CEP126: variants seen among roughly 807,000 people sequenced by gnomAD.
The protein encoded by CEP126 is centrosomal protein of 126 kDa.
In CEP126, 74 loss-of-function variants were observed where a neutral mutation model predicts 107.8. The observed-to-expected ratio is 0.69, with a 90% CI of 0.57 to 0.83. The LOEUF (loss-of-function observed/expected upper bound fraction) is 0.83, where lower values mean the gene tolerates loss of function less well. Ranked by LOEUF, CEP126 falls within the 40% of genes least tolerant of loss-of-function variation. The pLI, the probability that CEP126 is intolerant of heterozygous loss-of-function variation, is 0.00. For missense variants in CEP126, 1,237 were observed against 1,281.9 expected (o/e 0.96, Z 0.53); for synonymous variants, 449 against 446.0 (o/e 1.01, Z -0.08).
intron 1 of CEP126, 45 bp downstream of exon 1, chr11:101,915,457 C>CGG: frequency 6.4e-7 from 1 of 1,571,878 alleles, no homozygotes; most frequent in Non-Finnish European, 8.7e-7. Flanking sequence ...ATGTTGAAAA[C>CGG]GGGGCCCATC....
At position 101,962,381 on chromosome 11, in the gene CEP126, C is replaced by G; in HGVS notation, c.1346C>G (p.Thr449Ser). The change falls in exon 6 of 11, where the codon ACT becomes AGT. Residue 449 changes from threonine to serine, a missense_variant. Physicochemically the swap from Thr to Ser is moderately conservative, Grantham distance 58. Around this residue, in one of 3 missense-constraint regions of CEP126, gnomAD observed 1,134 missense variants for 1,150.5 expected, o/e 0.99. Transcript: ENST00000263468. Reference protein sequence around the residue: ...KYSELNQENGTTSIPTSCVPV... With the variant: ...KYSELNQENGSTSIPTSCVPV... ...TCTGAATTAAATCAAGAAAATGGAA[C>G]TACTTCAATTCCTACTTCATGTGTA... 6.2e-7 allele frequency: 1 copy of G among 1,613,844 alleles called. No homozygotes were observed. The highest frequency in any genetic ancestry group is 8.5e-7 in the Non-Finnish European group (1 of 1,179,874).
Position 101,965,741 on chromosome 11 carries a change from G to T in CEP126, c.2845+1861G>T, listed in dbSNP as rs914442969. Among the ~76,000 whole-genome samples the T allele has an allele frequency of 4.6e-5, 7 of 152,090 alleles. No individual in the cohort carries two copies. In the East Asian group the frequency reaches 1.3e-3, roughly 29 times the overall value. ...ATACTTACTGTCTCATTTAAACCTT[G>T]TAATAATGCTGAGAAATAAATATTT... On this transcript the variant is annotated intron_variant, in intron 6 of 10. Transcript: ENST00000263468.
At chr11:101,974,208 A>G (rs987695048) in intron 6 of CEP126, among the ~76,000 whole-genome samples, 1 of 152,192 alleles carries the variant, frequency 6.6e-6, no homozygotes, top group Non-Finnish European at 1.5e-5. Context: ...ATTTTGGACA[A>G]TAATTTTAGG....
At chr11:101,964,295 C>CTT (rs1419293315) in intron 6 of CEP126, among the ~76,000 whole-genome samples, 1 of 147,908 alleles carries the variant, frequency 6.8e-6, no homozygotes, top group Non-Finnish European at 1.5e-5. Flanking sequence ...GAGCAAGACT[C>CTT]TGTCTGAAAA....
chr11:101,962,427 T>G lies in CEP126; in HGVS notation c.1392T>G (p.Val464=). The part of the protein sequence containing the change: ...TSCVPVATPL[V]LPSNIQSARP... ...GTGTACCAGTGGCAACGCCTTTAGT[T>G]TTGCCATCTAATATACAGTCAGCTA... Residue 464 remains valine (V), a synonymous_variant, in exon 6 of 11, where the codon GTT becomes GTG. Transcript: ENST00000263468. 6.2e-7 allele frequency: 1 copy of G among 1,613,828 alleles called. No individual in the cohort carries two copies. Among genetic ancestry groups the G allele is most frequent in the South Asian group, 1.1e-5 (1 of 91,068 alleles).
At chr11:101,961,593 A>G in intron 5 of CEP126, 148 bp from the exon 6 acceptor site, 1 of 482,466 alleles carries the variant, frequency 2.1e-6, no homozygotes, top group South Asian at 5.1e-5. Flanking sequence ...TGCTGCAGGG[A>G]TAAGAATTAT....
chr11:101,975,562 T>A (rs1360873352), intron 6 of CEP126, among the ~76,000 whole-genome samples: 1 of 152,180 alleles, frequency 6.6e-6, no homozygotes, highest in African/African-American at 2.4e-5. Context: ...CCTGCCTTAA[T>A]TTCTTTTTTG....
At chr11:101,944,171 A>T in intron 2 of CEP126, 94 bp from the exon 3 acceptor site, 1 of 1,158,530 alleles carries the variant, frequency 8.6e-7, no homozygotes, top group Non-Finnish European at 1.2e-6. Context: ...ATTTTGAAAT[A>T]TGAAAACATT....
chr11:101,962,391 T>G lies in CEP126; in HGVS notation c.1356T>G (p.Ile452Met), dbSNP rs138764119. The change falls in exon 6 of 11, where the codon ATT becomes ATG. Residue 452 changes from isoleucine to methionine, a missense_variant. By Grantham distance (10) the Ile-to-Met change is conservative (BLOSUM62 1). Coordinates refer to ENST00000263468, the MANE Select transcript of CEP126 (RefSeq NM_020802.4). ...ELNQENGTTSIPTSCVPVATP... is the reference protein window; with the variant it reads ...ELNQENGTTSMPTSCVPVATP... ...ATCAAGAAAATGGAACTACTTCAAT[T>G]CCTACTTCATGTGTACCAGTGGCAA... is the stretch of plus-strand genomic sequence containing the variant. 3.9e-5 allele frequency: 63 copies of G among 1,613,768 alleles called. No homozygotes were observed. The African/African-American group carries it at 7.2e-4, about 18-fold the overall frequency.
At chr11:101,940,722 G>C (rs1345079966) in intron 2 of CEP126, among the ~76,000 whole-genome samples, 2 of 152,198 alleles carry the variant, frequency 1.3e-5, no homozygotes, top group Non-Finnish European at 2.9e-5. Context: ...TCTCTCCAGT[G>C]CTGTCTGTCC....
At chr11:101,920,715 C>G (rs1327169029) in intron 1 of CEP126, among the ~76,000 whole-genome samples, 1 of 151,732 alleles carries the variant, frequency 6.6e-6, no homozygotes, top group East Asian at 1.9e-4. Flanking sequence ...AAGCGATCTT[C>G]CCACATCAGC....
chr11:101,950,870 G>A (rs1054856624), intron 4 of CEP126, among the ~76,000 whole-genome samples: 10 of 152,242 alleles, frequency 6.6e-5, no homozygotes, highest in South Asian at 2.1e-4. Flanking sequence ...TAACCAGTGC[G>A]GAGCCAATGG....
intron 4 of CEP126, among the ~76,000 whole-genome samples, chr11:101,950,741 T>C (rs1023720062): frequency 3.3e-5 from 5 of 152,188 alleles, no homozygotes; most frequent in Non-Finnish European, 7.3e-5. Context: ...TAGAACTTAT[T>C]CAGAGTGTCG....
At chr11:101,929,363 C>T (rs1157328465) in intron 2 of CEP126, among the ~76,000 whole-genome samples, 1 of 152,148 alleles carries the variant, frequency 6.6e-6, no homozygotes, top group Non-Finnish European at 1.5e-5. Flanking sequence ...GCTGATTCTC[C>T]CTGACACTGC....
intron 2 of CEP126, among the ~76,000 whole-genome samples, chr11:101,925,874 C>T (rs35951904): frequency 0.057 from 8,527 of 148,328 alleles, 460 homozygotes; most frequent in East Asian, 0.27. Flanking sequence ...AGGCTGGTCT[C>T]GAACTCCTGG....
chr11:101,929,974 C>CTTTTTTTTTT (rs60650996), intron 2 of CEP126, among the ~76,000 whole-genome samples: 5,364 of 117,940 alleles, frequency 0.045, 247 homozygotes, highest in East Asian at 0.17. Flanking sequence ...TTAGTTAGGA[C>CTTTTTTTTTT]TTTTTTTTTT....
chr11:101,920,241 C>T (rs1940301971), intron 1 of CEP126, among the ~76,000 whole-genome samples: 1 of 152,078 alleles, frequency 6.6e-6, no homozygotes, highest in South Asian at 2.1e-4. Flanking sequence ...TTCAAATAAA[C>T]CTGTTATTCT....
intron 8 of CEP126, 95 bp from the exon 9 acceptor site, chr11:101,986,733 TACAG>T: frequency 1.3e-6 from 1 of 798,394 alleles, no homozygotes; most frequent in Non-Finnish European, 2.1e-6. Flanking sequence ...TATGAATACA[TACAG>T]ACAGTTAAGC....
intron 8 of CEP126, among the ~76,000 whole-genome samples, chr11:101,985,055 A>T (rs1213197649): frequency 6.6e-6 from 1 of 152,184 alleles, no homozygotes; most frequent in African/African-American, 2.4e-5. Flanking sequence ...CTTACGTGTG[A>T]ATAGGTGTAA....
Sources: allele counts gnomAD v4.1 joint callset (sites outside exome capture counted in the v4.1 genomes callset), GRCh38; gene constraint gnomAD v4.1.1; regional missense constraint gnomAD v4.1.1; transcripts MANE v1.5; gene names NCBI Gene and HGNC (gene_info 2026-07-23, HGNC 2026-07-21).